The following ACOX3 variants were observed in gnomAD, a reference collection of about 807,000 sequenced individuals.
The protein encoded by ACOX3 is peroxisomal acyl-coenzyme A oxidase 3.
In ACOX3, 73 loss-of-function variants were observed where a neutral mutation model predicts 81.5. That is an observed-to-expected ratio of 0.90 (90% CI 0.74 to 1.09). The LOEUF is 1.09. ACOX3 is among the 50% of genes least tolerant of loss of function. ACOX3 has a pLI of 0.00. For synonymous variants in ACOX3, 387 were observed against 375.1 expected (o/e 1.03, Z -0.37); for missense variants, 947 against 928.0 (o/e 1.02, Z -0.27).
chr4:8,403,866 C>T (rs1436192227), intron 7 of ACOX3, among the ~76,000 whole-genome samples: 4 of 152,202 alleles, frequency 2.6e-5, no homozygotes, highest in Non-Finnish European at 5.9e-5. Flanking sequence ...AAGAGCCTTG[C>T]TCACACCCGA....
chr4:8,435,811 C>T (rs537204843), intron 1 of ACOX3, among the ~76,000 whole-genome samples: 39 of 152,256 alleles, frequency 2.6e-4, no homozygotes, highest in Middle Eastern at 3.4e-3. Flanking sequence ...TTGCAGGAGC[C>T]GCCAGAGATA....
At chr4:8,435,172 G>A (rs542312054) in intron 1 of ACOX3, among the ~76,000 whole-genome samples, 1 of 152,354 alleles carries the variant, frequency 6.6e-6, no homozygotes, top group East Asian at 1.9e-4. Flanking sequence ...AGCCCCCAGA[G>A]GTTAAGAACT....
intron 7 of ACOX3, among the ~76,000 whole-genome samples, chr4:8,403,605 C>G (rs747239964): frequency 6.6e-6 from 1 of 152,124 alleles, no homozygotes; most frequent in South Asian, 2.1e-4. Flanking sequence ...AAAGGGCGGT[C>G]GTTATTGTGT....
At chr4:8,436,235 C>T (rs939116404) in intron 1 of ACOX3, 3 of 152,312 alleles carry the variant, frequency 2.0e-5, no homozygotes, top group Middle Eastern at 6.8e-3. Context: ...CAGACCTGAC[C>T]TCCGAGACCA....
intron 1 of ACOX3, among the ~76,000 whole-genome samples, chr4:8,422,142 C>G (rs1723014844): frequency 6.7e-6 from 1 of 148,236 alleles, no homozygotes; most frequent in Non-Finnish European, 1.5e-5. Flanking sequence ...GAAAGAGAAA[C>G]AGAGAGAGAA....
At chr4:8,393,850 A>G (rs1719353250) in intron 10 of ACOX3, among the ~76,000 whole-genome samples, 1 of 152,214 alleles carries the variant, frequency 6.6e-6, no homozygotes, top group African/African-American at 2.4e-5. Context: ...CTCACGCTCC[A>G]GGGAAAACAC....
At chr4:8,439,272 C>T (rs893782979) in intron 1 of ACOX3, 1 of 152,170 alleles carries the variant, frequency 6.6e-6, no homozygotes, top group African/African-American at 2.4e-5. Context: ...GAAACCCAGA[C>T]CCGTCCAGCC....
At position 8,394,323 on chromosome 4, in the gene ACOX3, G is replaced by A. The variant is rs1719418217; in HGVS notation, c.1179+297C>T. Among the ~76,000 whole-genome samples, 4 of 152,284 alleles carry A rather than the reference G, an allele frequency of 2.6e-5. No individual in the cohort carries two copies. Among genetic ancestry groups the A allele is most frequent in the Admixed American group, 2.0e-4 (3 of 15,286 alleles). On this transcript the variant is annotated intron_variant, in intron 10 of 17. Coordinates refer to ENST00000356406, the MANE Select transcript of ACOX3 (RefSeq NM_003501.3). This position sits in a 1 kb window ranked among gnomAD's most constrained non-coding sequence, Gnocchi z 5.9. ...AGAACCATGAAATCCACTGAGGGGC[G>A]GGTAACGTGGATTTTGCAAAACCGT... is the stretch of plus-strand genomic sequence containing the variant.
rs1304076451 is a variant in ACOX3, at chr4:8,370,940, G to C, written c.1951C>G (p.Leu651Val). The C allele has an allele frequency of 1.2e-6, 2 of 1,614,094 alleles. No individual in the cohort carries two copies. Among genetic ancestry groups the C allele is most frequent in the Admixed American group, 3.3e-5 (2 of 60,026 alleles). ...TCGGCTCTGCCAATCGGTGAGTCCA[G>C]AACAAAGTCAGGAGGAGCGATCACG... ...VDVIAPPDFV[L>V]DSPIGRADGE... Residue 651 changes from leucine (L) to valine (V), a missense_variant, in exon 17 of 18, where the codon CTG becomes GTG. Leu to Val is a conservative substitution (Grantham distance 32). Transcript: ENST00000356406. The surrounding 1 kb of genome is among the most constrained non-coding windows in gnomAD (Gnocchi z 6.3).
At chr4:8,380,877 G>A (rs1385607412) in intron 14 of ACOX3, among the ~76,000 whole-genome samples, 6 of 152,154 alleles carry the variant, frequency 3.9e-5, no homozygotes, top group East Asian at 3.9e-4. Flanking sequence ...TGCCCCCACC[G>A]GCTGCCCCCT....
At chr4:8,359,658 A>G in the ACOX3 span, among the ~76,000 whole-genome samples, 3 of 152,154 alleles carry the variant, frequency 2.0e-5, no homozygotes, top group South Asian at 6.2e-4. This position sits in a 1 kb window ranked among gnomAD's most constrained non-coding sequence, Gnocchi z 6.0. Context: ...TTGGGAGCTG[A>G]CGGGACTGCT....
In ACOX3 at chr4:8,381,373, G is replaced by A; in HGVS notation, c.1653+119C>T. 1.2e-6 allele frequency: 1 copy of A among 832,246 alleles called. No individual in the cohort carries two copies. The highest frequency in any genetic ancestry group is 2.0e-6 in the Non-Finnish European group (1 of 512,062). 51.6% of individuals were successfully genotyped at this position (832,246 alleles called of 1,614,324 possible). On this transcript the variant is annotated intron_variant, in intron 14 of 17. Transcript: ENST00000356406. The surrounding 1 kb of genome is among the most constrained non-coding windows in gnomAD (Gnocchi z 4.3). The stretch of plus-strand genomic sequence containing the variant: ...AAAGTCATCAAGTCATCTGCCCAAG[G>A]TCACGGGAGCTCGGGGTCTGGGGCC...
At chr4:8,374,804 C>G in intron 15 of ACOX3, 174 bp downstream of exon 15, 1 of 675,586 alleles carries the variant, frequency 1.5e-6, no homozygotes, top group South Asian at 4.2e-5. Context: ...TGACGCTGCT[C>G]TGCCCCATAT....
intron 7 of ACOX3, among the ~76,000 whole-genome samples, chr4:8,402,181 G>A (rs1720441991): frequency 6.6e-6 from 1 of 152,246 alleles, no homozygotes; most frequent in Non-Finnish European, 1.5e-5. Context: ...CTACCAGGAG[G>A]AGCAAGGCCC....
chr4:8,419,224 A>G lies in ACOX3; in HGVS notation c.-14-2689T>C, dbSNP rs1401038939. Among the ~76,000 whole-genome samples, 1 of 152,116 alleles carries G rather than the reference A, an allele frequency of 6.6e-6. No individual in the cohort carries two copies. The highest frequency in any genetic ancestry group is 2.4e-5 in the African/African-American group (1 of 41,424). On this transcript the variant is annotated intron_variant, in intron 1 of 17. Transcript: ENST00000356406. This position sits in a 1 kb window ranked among gnomAD's most constrained non-coding sequence, Gnocchi z 4.2. The stretch of plus-strand genomic sequence containing the variant: ...GCCCAGACAGGTGGATCATGAGGTC[A>G]GGAATTCAAGACCAGCCTGGCCAAC...
At position 8,416,990 on chromosome 4, in the gene ACOX3, C is replaced by T. The variant is rs763576355; in HGVS notation, c.-14-455G>A. Among the ~76,000 whole-genome samples the T allele has an allele frequency of 3.9e-5, 6 of 152,226 alleles. No homozygotes were observed. The highest frequency in any genetic ancestry group is 7.3e-5 in the Non-Finnish European group (5 of 68,040). Reference sequence around the variant, plus strand: ...TCTGGCCACACACAATGGTACCTCACGTCTCCACCCACCGCCGGTCCACCT... The same window carrying T: ...TCTGGCCACACACAATGGTACCTCATGTCTCCACCCACCGCCGGTCCACCT... On this transcript the variant is annotated intron_variant, in intron 1 of 17. Coordinates refer to ENST00000356406, the MANE Select transcript of ACOX3 (RefSeq NM_003501.3). This position sits in a 1 kb window ranked among gnomAD's most constrained non-coding sequence, Gnocchi z 4.2.
At chr4:8,427,217 G>A (rs939748362) in intron 1 of ACOX3, among the ~76,000 whole-genome samples, 2 of 152,170 alleles carry the variant, frequency 1.3e-5, no homozygotes, top group East Asian at 1.9e-4. Flanking sequence ...ATCATCTGTC[G>A]CCTGAGAGCA....
At chr4:8,371,375 A>C (rs1280837682) in intron 16 of ACOX3, among the ~76,000 whole-genome samples, 4 of 152,234 alleles carry the variant, frequency 2.6e-5, no homozygotes, top group African/African-American at 9.6e-5. Flanking sequence ...AAAACATGTA[A>C]TAGAGAAGGC....
At chr4:8,392,278 A>C (rs1719086063) in intron 11 of ACOX3, 55 bp downstream of exon 11, 4 of 1,397,010 alleles carry the variant, frequency 2.9e-6, no homozygotes, top group Admixed American at 5.6e-5. Context: ...CCTGGTCTAG[A>C]GTCAAACAGC....
Sources: allele counts gnomAD v4.1 joint callset (sites outside exome capture counted in the v4.1 genomes callset), GRCh38; gene constraint gnomAD v4.1.1; non-coding constraint Gnocchi (gnomAD v3.1); transcripts MANE v1.5; gene names NCBI Gene and HGNC (gene_info 2026-07-23, HGNC 2026-07-21).